PRICKLE2: variants seen among roughly 807,000 people sequenced by gnomAD.
The protein encoded by PRICKLE2 is prickle planar cell polarity protein 2, also known as prickle-like protein 2.
In PRICKLE2, 21 loss-of-function variants were observed where a neutral mutation model predicts 81.4. The ratio of observed to expected loss-of-function variants is 0.26; its 90% CI spans 0.18 to 0.37. The LOEUF (loss-of-function observed/expected upper bound fraction) is 0.37. Among genes scored for constraint, PRICKLE2 ranks in the 10% least tolerant of loss-of-function variants. PRICKLE2 has a pLI of 1.00. For missense variants in PRICKLE2, 940 were observed against 1,109.0 expected (o/e 0.85, Z 2.16); for synonymous variants, 456 against 421.5 (o/e 1.08, Z -1.00).
At chr3:64,236,420 G>A (rs558906738) in intron 2 of PRICKLE2, among the ~76,000 whole-genome samples, 1 of 152,154 alleles carries the variant, frequency 6.6e-6, no homozygotes, top group Non-Finnish European at 1.5e-5. Flanking sequence ...TTTATCCATG[G>A]TTATGACAAT....
chr3:64,191,884 G>A (rs1232200715), intron 2 of PRICKLE2, among the ~76,000 whole-genome samples: 1 of 152,164 alleles, frequency 6.6e-6, no homozygotes, highest in East Asian at 1.9e-4. Context: ...GACATAAATG[G>A]TGCCTGGGTT....
chr3:64,197,536 A>C (rs1265325980), intron 2 of PRICKLE2, among the ~76,000 whole-genome samples: 2 of 152,238 alleles, frequency 1.3e-5, no homozygotes, highest in Non-Finnish European at 2.9e-5. Context: ...AAAAAGTACA[A>C]GATCATATCC....
intron 2 of PRICKLE2, chr3:64,163,499 C>A: frequency 3.0e-6 from 1 of 329,562 alleles, no homozygotes; most frequent in Admixed American, 4.1e-5. Flanking sequence ...ATATGACGTG[C>A]CTCCCTAGCC....
At chr3:64,198,254 AT>A (rs1286400566) in intron 2 of PRICKLE2, among the ~76,000 whole-genome samples, 46 of 142,344 alleles carry the variant, frequency 3.2e-4, no homozygotes, top group African/African-American at 1.2e-3. Flanking sequence ...AAATAAATAA[AT>A]AAAACAAAAA....
At chr3:64,127,446 A>G (rs945972550) in intron 7 of PRICKLE2, among the ~76,000 whole-genome samples, 1 of 152,178 alleles carries the variant, frequency 6.6e-6, no homozygotes, top group South Asian at 2.1e-4. Flanking sequence ...TGGGCAAGGC[A>G]TGGTGCTGGG....
At chr3:64,222,639 C>A (rs2078973632) in intron 1 of PRICKLE2, among the ~76,000 whole-genome samples, 1 of 152,128 alleles carries the variant, frequency 6.6e-6, no homozygotes, top group Non-Finnish European at 1.5e-5. Flanking sequence ...CCCTTAGCAG[C>A]CAACCCATAA....
At chr3:64,239,338 T>C (rs954650276) in intron 2 of PRICKLE2, among the ~76,000 whole-genome samples, 1 of 152,008 alleles carries the variant, frequency 6.6e-6, no homozygotes, top group African/African-American at 2.4e-5. Flanking sequence ...AAAACAGAGA[T>C]ACACAGAGGA....
intron 1 of PRICKLE2, among the ~76,000 whole-genome samples, chr3:64,216,239 C>T (rs766504865): frequency 3.9e-5 from 6 of 152,322 alleles, no homozygotes; most frequent in East Asian, 1.9e-4. Flanking sequence ...TTAAACCTTT[C>T]GGGTGACTTG....
At position 64,204,539 on chromosome 3, in the gene PRICKLE2, C is replaced by T. The variant is rs112530276; in HGVS notation, c.-40-5572G>A. On this transcript the variant is annotated intron_variant, in intron 1 of 7. Coordinates refer to ENST00000638394, the MANE Select transcript of PRICKLE2 (RefSeq NM_198859.4). Reference sequence around the variant, plus strand: ...TTATAGAAAATCTATCTGATTCCAACCACAGAATACCCTTTTACTTCTGAA... The same window carrying T: ...TTATAGAAAATCTATCTGATTCCAATCACAGAATACCCTTTTACTTCTGAA... Among the ~76,000 whole-genome samples the T allele has an allele frequency of 9.7e-4, 147 of 151,898 alleles. 3 individuals carry two copies. Among genetic ancestry groups the T allele is most frequent in the African/African-American group, 3.4e-3 (142 of 41,416 alleles).
intron 2 of PRICKLE2, among the ~76,000 whole-genome samples, chr3:64,191,414 T>C (rs1356363040): frequency 5.3e-5 from 8 of 152,190 alleles, no homozygotes; most frequent in Non-Finnish European, 7.3e-5. Flanking sequence ...CTCTCATCCA[T>C]GGCCAGATCA....
intron 1 of PRICKLE2, chr3:64,200,018 A>G (rs761806343): frequency 6.6e-6 from 1 of 152,202 alleles, no homozygotes; most frequent in Non-Finnish European, 1.5e-5. Flanking sequence ...ACCATTTCAA[A>G]GTGTACAATT....
intron 2 of PRICKLE2, among the ~76,000 whole-genome samples, chr3:64,262,434 T>G (rs1356598886): frequency 1.3e-5 from 2 of 151,982 alleles, no homozygotes. Context: ...CGATTGGACA[T>G]CTAATGAAGA....
At chr3:64,148,315 T>C (rs2077490062) in intron 6 of PRICKLE2, among the ~76,000 whole-genome samples, 1 of 152,212 alleles carries the variant, frequency 6.6e-6, no homozygotes, top group Non-Finnish European at 1.5e-5. Flanking sequence ...TCTCCACCCT[T>C]ACCTGCTGGA....
intron 2 of PRICKLE2, 31 bp from the exon 3 acceptor site, chr3:64,163,160 C>G (rs760054527): frequency 3.3e-5 from 43 of 1,315,006 alleles, no homozygotes; most frequent in Non-Finnish European, 4.5e-5. Flanking sequence ...AGATGACTTG[C>G]CCATTACTCA....
intron 1 of PRICKLE2, chr3:64,199,366 T>G (rs2078525873): frequency 9.0e-6 from 2 of 222,328 alleles, no homozygotes; most frequent in Non-Finnish European, 1.8e-5. Context: ...TGACCTGAAG[T>G]GTTACTTGTA....
chr3:64,136,608 T>G (rs940799802), intron 7 of PRICKLE2, among the ~76,000 whole-genome samples: 5 of 152,140 alleles, frequency 3.3e-5, no homozygotes, highest in Non-Finnish European at 7.4e-5. Context: ...AGTTTTCCAC[T>G]GCTCTGGGAG....
intron 1 of PRICKLE2, among the ~76,000 whole-genome samples, chr3:64,219,419 A>T (rs1559587251): frequency 6.6e-6 from 1 of 152,182 alleles, no homozygotes; most frequent in East Asian, 1.9e-4. Context: ...CTCTCTGCCC[A>T]CAGCCACAAG....
At chr3:64,235,791 A>G (rs558714934) in intron 2 of PRICKLE2, among the ~76,000 whole-genome samples, 1 of 152,290 alleles carries the variant, frequency 6.6e-6, no homozygotes, top group South Asian at 2.1e-4. Flanking sequence ...TTGCAAGGGT[A>G]GGGTGTTGCC....
intron 2 of PRICKLE2, among the ~76,000 whole-genome samples, chr3:64,239,247 C>G (rs930734765): frequency 6.6e-6 from 1 of 152,086 alleles, no homozygotes; most frequent in East Asian, 1.9e-4. Context: ...TGCTGGGGGG[C>G]GGGGGGCTGG....
Sources: gnomAD v4.1 joint callset for allele counts (sites outside exome capture counted in the v4.1 genomes callset) on GRCh38, gnomAD v4.1.1 for gene constraint, MANE v1.5 for transcripts, NCBI Gene and HGNC (gene_info 2026-07-23, HGNC 2026-07-21) for gene names.